Variants in AKAP7 observed in about 807,000 individuals in gnomAD.
AKAP7 encodes A-kinase anchoring protein 7.
In AKAP7, 39 loss-of-function variants were observed where a neutral mutation model predicts 39.5. The observed-to-expected ratio is 0.99, with a 90% CI of 0.76 to 1.29. The LOEUF is 1.29. Among genes scored for constraint, AKAP7 ranks in the 50% most tolerant of loss-of-function variants. AKAP7 has a pLI of 0.00. For synonymous variants in AKAP7, 140 were observed against 139.1 expected (o/e 1.01, Z -0.05); for missense variants, 414 against 407.7 (o/e 1.02, Z -0.13).
intron 2 of AKAP7, among the ~76,000 whole-genome samples, chr6:131,148,414 G>C (rs181139865): frequency 3.3e-5 from 5 of 152,200 alleles, no homozygotes; most frequent in Admixed American, 2.6e-4. Context: ...TGTGTTTTAC[G>C]TTTTGGTTAC....
intron 7 of AKAP7, among the ~76,000 whole-genome samples, chr6:131,276,126 A>G (rs1010632872): frequency 7.2e-5 from 11 of 152,356 alleles, no homozygotes; most frequent in African/African-American, 2.6e-4. Flanking sequence ...ATACAGCAAC[A>G]TCATTTTCCT....
chr6:131,195,604 T>C (rs1806847253), intron 5 of AKAP7, among the ~76,000 whole-genome samples: 1 of 152,194 alleles, frequency 6.6e-6, no homozygotes, highest in Non-Finnish European at 1.5e-5. Flanking sequence ...AAAACTCTCT[T>C]TAGCATTTCT....
chr6:131,237,982 T>C (rs1336273932), intron 7 of AKAP7, among the ~76,000 whole-genome samples: 12 of 152,224 alleles, frequency 7.9e-5, no homozygotes. Context: ...TCTCTAGTTC[T>C]TTTAATTGTG....
chr6:131,262,250 C>G (rs752586750), intron 7 of AKAP7, among the ~76,000 whole-genome samples: 1 of 152,134 alleles, frequency 6.6e-6, no homozygotes, highest in South Asian at 2.1e-4. Context: ...GTTCCCTTTG[C>G]GCAGCTGTCC....
chr6:131,282,094 T>C lies in AKAP7; in HGVS notation c.*368T>C. On this transcript the variant is annotated 3_prime_UTR_variant, in exon 8 of 8. Coordinates refer to ENST00000431975, the MANE Select transcript of AKAP7 (RefSeq NM_016377.4). ...TATATTGCTTAGCAGGGCATTTGAC[T>C]ACTTTATCTGAGGCCAGAACTCTCA... 1 of 1,144,466 alleles carries C rather than the reference T, an allele frequency of 8.7e-7. No homozygotes were observed. Among genetic ancestry groups the C allele is most frequent in the Non-Finnish European group, 1.1e-6 (1 of 933,206 alleles). The allele number at this position is 1,144,466 out of a possible 1,614,324, so 70.9% of individuals were successfully genotyped here.
upstream of AKAP7, among the ~76,000 whole-genome samples, chr6:131,135,347 G>C (rs894149133): frequency 9.2e-5 from 14 of 152,316 alleles, no homozygotes; most frequent in African/African-American, 3.1e-4. Flanking sequence ...TTGCAGAGTC[G>C]AGACGACCTG....
At chr6:131,185,150 C>T in intron 5 of AKAP7, 3 of 573,514 alleles carry the variant, frequency 5.2e-6, no homozygotes, top group Non-Finnish European at 1.0e-5. Flanking sequence ...TGCTGCTGTC[C>T]TGAGAGATCA....
intron 7 of AKAP7, among the ~76,000 whole-genome samples, chr6:131,279,894 C>T (rs1292449947): frequency 6.6e-6 from 1 of 152,132 alleles, no homozygotes; most frequent in African/African-American, 2.4e-5. Context: ...TGGGAAGAGT[C>T]ATTATACAAA....
Position 131,226,802 on chromosome 6 carries a change from A to G in AKAP7, c.850+6994A>G, listed in dbSNP as rs550416036. ...TTGTTTGCAGTCCAGTATATTTATA[A>G]CTTCTGCAAGCAGAGGTAGAAACAG... On this transcript the variant is annotated intron_variant, in intron 7 of 7. Coordinates refer to ENST00000431975, the MANE Select transcript of AKAP7 (RefSeq NM_016377.4). 2.0e-5 allele frequency among the ~76,000 whole-genome samples: 3 copies of G among 152,318 alleles called. No homozygotes were observed. The East Asian group carries it at 5.8e-4, about 29-fold the overall frequency.
At chr6:131,171,865 C>T (rs1296119482) in intron 5 of AKAP7, among the ~76,000 whole-genome samples, 1 of 151,954 alleles carries the variant, frequency 6.6e-6, no homozygotes, top group East Asian at 1.9e-4. Context: ...CATTATTGGA[C>T]GTACATTAGA....
At chr6:131,217,945 G>A (rs1005834862) in intron 6 of AKAP7, among the ~76,000 whole-genome samples, 5 of 151,956 alleles carry the variant, frequency 3.3e-5, no homozygotes, top group Admixed American at 6.6e-5. Flanking sequence ...GACAAGAATC[G>A]TTGCTCATTT....
chr6:131,236,428 C>T lies in AKAP7; in HGVS notation c.850+16620C>T, dbSNP rs1425063134. ...CATATGAACTTTAAAGTAGTTTTTT[C>T]CAGTTCTGTGAAGAAAGTCATTGGT... On this transcript the variant is annotated intron_variant, in intron 7 of 7. Coordinates refer to ENST00000431975, the MANE Select transcript of AKAP7 (RefSeq NM_016377.4). Among the ~76,000 whole-genome samples the T allele has an allele frequency of 2.0e-5, 3 of 152,098 alleles. No homozygotes were observed. In the East Asian group the frequency reaches 5.8e-4, roughly 29 times the overall value.
At chr6:131,155,610 A>G (rs751302566) in intron 2 of AKAP7, among the ~76,000 whole-genome samples, 3 of 152,188 alleles carry the variant, frequency 2.0e-5, no homozygotes, top group Non-Finnish European at 4.4e-5. Flanking sequence ...TTAATTTCCT[A>G]TATGACTATT....
Position 131,274,460 on chromosome 6 carries a change from A to G in AKAP7, c.851-7070A>G, listed in dbSNP as rs187024678. ...ACCTCACTTTCCTACTGCATCTACCATGGTTCATATCCTCATTGTTTCTCT... is the reference window on the plus strand; with the variant it reads ...ACCTCACTTTCCTACTGCATCTACCGTGGTTCATATCCTCATTGTTTCTCT... On this transcript the variant is annotated intron_variant, in intron 7 of 7. Transcript: ENST00000431975. Among the ~76,000 whole-genome samples, 315 of 152,058 alleles carry G rather than the reference A, an allele frequency of 2.1e-3. 1 individual carries two copies. The highest frequency in any genetic ancestry group is 7.3e-3 in the African/African-American group (302 of 41,458).
At chr6:131,264,901 C>G (rs1423747085) in intron 7 of AKAP7, among the ~76,000 whole-genome samples, 1 of 152,056 alleles carries the variant, frequency 6.6e-6, no homozygotes, top group African/African-American at 2.4e-5. Context: ...CTTAAACAAC[C>G]AGATCTCACA....
At chr6:131,174,533 C>T (rs189058050) in intron 5 of AKAP7, among the ~76,000 whole-genome samples, 1 of 152,362 alleles carries the variant, frequency 6.6e-6, no homozygotes, top group Admixed American at 6.5e-5. Flanking sequence ...CTGGAGGTTA[C>T]AGTGAGCCAT....
At chr6:131,274,131 C>CT (rs1391441820) in intron 7 of AKAP7, among the ~76,000 whole-genome samples, 3 of 151,832 alleles carry the variant, frequency 2.0e-5, no homozygotes, top group Admixed American at 2.0e-4. Flanking sequence ...TATAATGCGT[C>CT]TTTTTTCTTT....
chr6:131,140,435 G>A (rs1485692040), intron 1 of AKAP7, among the ~76,000 whole-genome samples: 1 of 152,146 alleles, frequency 6.6e-6, no homozygotes, highest in Non-Finnish European at 1.5e-5. Flanking sequence ...AAGCGATTTT[G>A]CGAACTTTTC....
intron 2 of AKAP7, among the ~76,000 whole-genome samples, chr6:131,159,115 A>T (rs1487164758): frequency 6.6e-6 from 1 of 151,202 alleles, no homozygotes; most frequent in African/African-American, 2.4e-5. Context: ...TATTTTTGAG[A>T]CGGAGTCTCC....
Sources: gnomAD v4.1 joint callset for allele counts (sites outside exome capture counted in the v4.1 genomes callset) on GRCh38, gnomAD v4.1.1 for gene constraint, MANE v1.5 for transcripts, NCBI Gene and HGNC (gene_info 2026-07-23, HGNC 2026-07-21) for gene names.